The following ARHGAP5 variants were observed in gnomAD, a reference collection of about 807,000 sequenced individuals.
ARHGAP5 encodes the protein rho GTPase-activating protein 5.
A neutral mutation model predicts 116.6 loss-of-function variants in ARHGAP5; 23 were observed. The ratio of observed to expected loss-of-function variants is 0.20; its 90% confidence interval spans 0.14 to 0.28. The LOEUF is 0.28. ARHGAP5 is among the 10% of genes least tolerant of loss of function. The probability of loss-of-function intolerance (pLI) is 1.00; values close to 1 mark genes in which losing one functional copy is unlikely to be tolerated. For missense variants in ARHGAP5, 1,405 were observed against 1,774.8 expected, an observed-to-expected ratio of 0.79 and a Z score of 3.74; for synonymous variants, 574 against 602.0, an observed-to-expected ratio of 0.95 and a Z score of 0.68.
rs1878344745 is a variant in ARHGAP5 at position 32,093,034 on chromosome 14, C to G, written c.2365C>G (p.Pro789Ala). Residue 789 changes from proline to alanine, a missense_variant, in exon 2 of 7, where the codon CCA (proline) becomes GCA (alanine). Transcript: ENST00000345122. ...TGTCATGTGCGCCATGTGTGGAGAT[C>G]CATTTAGTGTGGATCTTATTCTTTC... ...RIVMCAMCGDPFSVDLILSPF... is the reference protein window; with the variant it reads ...RIVMCAMCGDAFSVDLILSPF... 1.2e-6 allele frequency: 2 copies of G among 1,614,002 alleles called. No individual in the cohort carries two copies. Among genetic ancestry groups the G allele is most frequent in the Non-Finnish European group, 1.7e-6 (2 of 1,179,954 alleles).
chr14:32,125,173 C>G (rs1043233543), intron 3 of ARHGAP5, among the ~76,000 whole-genome samples: 1 of 152,144 alleles, frequency 6.6e-6, no homozygotes, highest in African/African-American at 2.4e-5. Flanking sequence ...TCTTATTTCC[C>G]CACTACTCCA....
intron 3 of ARHGAP5, among the ~76,000 whole-genome samples, chr14:32,127,484 G>T (rs959617167): frequency 3.3e-5 from 5 of 152,132 alleles, no homozygotes; most frequent in African/African-American, 1.2e-4. Flanking sequence ...AGAGCACGGG[G>T]TTGGGGGTAA....
At chr14:32,136,012 TAATC>T (rs1391646995) in intron 3 of ARHGAP5, among the ~76,000 whole-genome samples, 1 of 152,246 alleles carries the variant, frequency 6.6e-6, no homozygotes, top group Non-Finnish European at 1.5e-5. Context: ...TTTTTATACT[TAATC>T]AAACATAAGA....
At chr14:32,128,364 A>G (rs1278282743) in intron 3 of ARHGAP5, among the ~76,000 whole-genome samples, 1 of 152,252 alleles carries the variant, frequency 6.6e-6, no homozygotes, top group African/African-American at 2.4e-5. Context: ...AGCCAAGATC[A>G]TGCCACTGCA....
At chr14:32,145,572 G>T (rs1161332730) in intron 3 of ARHGAP5, among the ~76,000 whole-genome samples, 2 of 152,060 alleles carry the variant, frequency 1.3e-5, no homozygotes, top group African/African-American at 4.8e-5. Context: ...CATGATATGA[G>T]CCTCTGCCTG....
In ARHGAP5 at chr14:32,094,360, A is replaced by G. The variant is rs1051290377; in HGVS notation, c.3691A>G (p.Thr1231Ala). 6 of 1,579,528 alleles carry G rather than the reference A, an allele frequency of 3.8e-6. No homozygotes were observed. Among genetic ancestry groups the G allele is most frequent in the Non-Finnish European group, 5.1e-6 (6 of 1,169,424 alleles). The change falls in exon 2 of 7, where the codon ACC becomes GCC. Residue 1231 changes from threonine (T) to alanine (A), a missense_variant. By Grantham distance (58) the Thr-to-Ala change is moderately conservative (BLOSUM62 0). This residue lies in a region of ARHGAP5 where 176 missense variants were observed against 221.2 expected (regional missense o/e 0.80). Transcript: ENST00000345122. ...AGATGATAAGAAGATGAAGAAGAAA[A>G]CCCACAAAGTGAAAGAAGATAAAAA... ...ELDDKKMKKK[T>A]HKVKEDKKQK... is the part of the protein sequence containing the mutation.
Position 32,091,216 on chromosome 14 carries a change from C to A in ARHGAP5, c.547C>A (p.Leu183Ile). 2 of 1,612,810 alleles carry A rather than the reference C, an allele frequency of 1.2e-6. No individual in the cohort carries two copies. The highest frequency in any genetic ancestry group is 1.7e-6 in the Non-Finnish European group (2 of 1,179,432). ...FDDQLKFVNN[L>I]FVQLSKSKKP... Reference sequence around the variant, plus strand: ...TGATCAACTTAAATTTGTGAATAACCTTTTTGTCCAGTTATCAAAATCAAA... The same window carrying A: ...TGATCAACTTAAATTTGTGAATAACATTTTTGTCCAGTTATCAAAATCAAA... Residue 183 changes from leucine (L) to isoleucine (I), a missense_variant, in exon 2 of 7, where the codon CTT becomes ATT. This residue lies in a region of ARHGAP5 where 190 missense variants were observed against 314.9 expected (regional missense o/e 0.60). Coordinates refer to ENST00000345122, the MANE Select transcript of ARHGAP5 (RefSeq NM_001030055.2).
chr14:32,080,450 C>T (rs2041760713), intron 1 of ARHGAP5, among the ~76,000 whole-genome samples: 1 of 150,784 alleles, frequency 6.6e-6, no homozygotes, highest in Non-Finnish European at 1.5e-5. Flanking sequence ...TCCTGAACTT[C>T]AAAGTTAAAA....
At chr14:32,124,734 G>GC (rs1566674656) in intron 3 of ARHGAP5, among the ~76,000 whole-genome samples, 1 of 152,168 alleles carries the variant, frequency 6.6e-6, no homozygotes, top group Non-Finnish European at 1.5e-5. Flanking sequence ...ACATATAAAA[G>GC]CCTAAGACAC....
intron 3 of ARHGAP5, among the ~76,000 whole-genome samples, chr14:32,144,967 A>G (rs924654351): frequency 3.3e-5 from 5 of 152,178 alleles, no homozygotes; most frequent in Admixed American, 2.6e-4. Context: ...ATTCAAGTTG[A>G]CATTTTTCTT....
At chr14:32,104,874 C>CT (rs1878939594) in intron 2 of ARHGAP5, among the ~76,000 whole-genome samples, 2 of 152,132 alleles carry the variant, frequency 1.3e-5, no homozygotes, top group African/African-American at 4.8e-5. Context: ...AGCACAGTGG[C>CT]TATCAACCAG....
At chr14:32,105,494 AAAG>A (rs1184856204) in intron 2 of ARHGAP5, among the ~76,000 whole-genome samples, 6 of 151,966 alleles carry the variant, frequency 3.9e-5, no homozygotes, top group Non-Finnish European at 8.8e-5. Flanking sequence ...TTTTTAAAAA[AAAG>A]AGAGACCCCA....
Position 32,146,269 on chromosome 14 carries a change from G to A in ARHGAP5, c.3872G>A (p.Cys1291Tyr), listed in dbSNP as rs751160325. Reference sequence around the variant, plus strand: ...TATTTCTTTATTCTCTTAGGGTTATGTACCGAAGGACTCTACCGTGTCAGC... The same window carrying A: ...TATTTCTTTATTCTCTTAGGGTTATATACCGAAGGACTCTACCGTGTCAGC... ...CVEFIEDTGL[C>Y]TEGLYRVSGN... The change falls in exon 4 of 7, where the codon TGT becomes TAT. Residue 1291 changes from cysteine (C) to tyrosine (Y), a missense_variant. Physicochemically the swap from Cys to Tyr is radical, Grantham distance 194 (BLOSUM62 -2). Transcript: ENST00000345122. 1.9e-6 allele frequency: 3 copies of A among 1,609,806 alleles called. No homozygotes were observed. In the Admixed American group the frequency reaches 5.0e-5, roughly 27 times the overall value.
intron 3 of ARHGAP5, among the ~76,000 whole-genome samples, chr14:32,145,256 A>G (rs1007898709): frequency 1.3e-5 from 2 of 152,022 alleles, no homozygotes; most frequent in African/African-American, 4.8e-5. Flanking sequence ...CTCTGCTGAC[A>G]CTCCAGAAAG....
rs1291049083 is a variant in ARHGAP5, at chr14:32,089,793, G to A, written c.-168-709G>A. On this transcript the variant is annotated intron_variant, in intron 1 of 6. Transcript: ENST00000345122. ...AGGCTTCGATGTAAAAATAAATTTC[G>A]TTATATTTTGCAGTTGGTCTTATAG... is the stretch of plus-strand genomic sequence containing the variant. Among the ~76,000 whole-genome samples the A allele has an allele frequency of 2.6e-5, 4 of 151,798 alleles. No homozygotes were observed. In the South Asian group the frequency reaches 6.2e-4, roughly 24 times the overall value.
intron 1 of ARHGAP5, among the ~76,000 whole-genome samples, chr14:32,086,162 T>G (rs1284902390): frequency 6.6e-6 from 1 of 152,030 alleles, no homozygotes; most frequent in African/African-American, 2.4e-5. Flanking sequence ...TTTGGGGATA[T>G]TGTGAAAAGT....
chr14:32,136,709 T>C (rs761424455), intron 3 of ARHGAP5, among the ~76,000 whole-genome samples: 1 of 152,206 alleles, frequency 6.6e-6, no homozygotes, highest in African/African-American at 2.4e-5. Context: ...AGCTACACTA[T>C]TTTACATTCT....
chr14:32,115,707 C>T (rs1031044053), intron 2 of ARHGAP5, among the ~76,000 whole-genome samples: 3 of 147,658 alleles, frequency 2.0e-5, no homozygotes, highest in African/African-American at 7.5e-5. Context: ...TGCTGTGGCT[C>T]ATGCATGTAG....
Position 32,092,744 on chromosome 14 carries a change from C to G in ARHGAP5, c.2075C>G (p.Ala692Gly). The change falls in exon 2 of 7, where the codon GCT becomes GGT. Residue 692 changes from alanine (A) to glycine (G), a missense_variant. Physicochemically the swap from Ala to Gly is moderately conservative, Grantham distance 60. This residue lies in a region of ARHGAP5 where 944 missense variants were observed against 1,095.3 expected (regional missense o/e 0.86). Transcript: ENST00000345122. This position sits in a 1 kb window ranked among gnomAD's most constrained non-coding sequence, Gnocchi z 4.1. ...ASQIRKDKYM[A>G]NLPFTLILAN... is the part of the protein sequence containing the mutation. ...CAGATCAGAAAAGATAAATACATGGCTAATCTTCCATTTACATTAATTCTG... is the reference window on the plus strand; with the variant it reads ...CAGATCAGAAAAGATAAATACATGGGTAATCTTCCATTTACATTAATTCTG... 1 of 1,613,690 alleles carries G rather than the reference C, an allele frequency of 6.2e-7. No individual in the cohort carries two copies.
Sources: gnomAD v4.1 joint callset for allele counts (sites outside exome capture counted in the v4.1 genomes callset) on GRCh38, gnomAD v4.1.1 for gene constraint, gnomAD v4.1.1 regional missense constraint, Gnocchi (gnomAD v3.1) non-coding constraint, MANE v1.5 for transcripts, NCBI Gene and HGNC (gene_info 2026-07-23, HGNC 2026-07-21) for gene names.